The following SLC4A2 variants were observed in gnomAD, a reference collection of about 807,000 sequenced individuals.
SLC4A2 encodes solute carrier family 4 member 2.
A neutral mutation model predicts 115.0 loss-of-function variants in SLC4A2; 36 were observed. The observed-to-expected ratio is 0.31, with a 90% confidence interval of 0.24 to 0.41. The LOEUF (loss-of-function observed/expected upper bound fraction) is 0.41. Ranked by LOEUF, SLC4A2 falls within the 10% of genes least tolerant of loss-of-function variation. The pLI, the probability that SLC4A2 is intolerant of heterozygous loss-of-function variation, is 1.00. For synonymous variants in SLC4A2, 708 were observed against 708.3 expected (o/e 1.00, Z 0.01); for missense variants, 1,252 against 1,705.6 (o/e 0.73, Z 4.68).
Position 151,066,837 on chromosome 7 carries a change from C to A in SLC4A2, c.824-14C>A. ...AGAAAGGGGGAGCCCAACCTTGGTC[C>A]TCTGCCCCCACAGGTCACCGGTTTG... On this transcript the variant is annotated splice_polypyrimidine_tract_variant and intron_variant, in intron 6 of 22. Transcript: ENST00000413384. The A allele has an allele frequency of 6.2e-7, 1 of 1,608,060 alleles. No homozygotes were observed. Among genetic ancestry groups the A allele is most frequent in the Non-Finnish European group, 8.5e-7 (1 of 1,177,170 alleles).
chr7:151,061,936 G>GCCTC lies in SLC4A2; in HGVS notation c.-51_-48dup. 6.4e-7 allele frequency: 1 copy of GCCTC among 1,569,304 alleles called. No individual in the cohort carries two copies. Among genetic ancestry groups the GCCTC allele is most frequent in the South Asian group, 1.1e-5 (1 of 88,394 alleles). ...TCTCCCCCATCCAGGTTATGCCTCC[G>GCCTC]CCTCGTTGCCCTGAAAGCCGCAGCG... On this transcript the variant is annotated 5_prime_UTR_variant, in exon 2 of 23. It introduces an in-frame stop codon into an upstream open reading frame of the 5' UTR. Transcript: ENST00000413384.
Position 151,061,944 on chromosome 7 carries a change from GC to G in SLC4A2, c.-41del. 6.3e-7 allele frequency: 1 copy of G among 1,594,406 alleles called. No homozygotes were observed. ...ATCCAGGTTATGCCTCCGCCTCGTT[GC>G]CCTGAAAGCCGCAGCGACAGCGAAA... On this transcript the variant is annotated 5_prime_UTR_variant, in exon 2 of 23. The change abolishes the stop of an existing upstream ORF in the 5' untranslated region. Transcript: ENST00000413384.
chr7:151,074,680 G>C lies in SLC4A2; in HGVS notation c.2886G>C (p.Leu962=). 5.6e-6 allele frequency: 9 copies of C among 1,597,684 alleles called. No individual in the cohort carries two copies. Among genetic ancestry groups the C allele is most frequent in the Non-Finnish European group, 7.7e-6 (9 of 1,172,638 alleles). ...YSIEDTYTQK[L]SVPSGFSVTA... Reference sequence around the variant, plus strand: ...ACACTGTGTCTGCCCTGCAGAAGCTGAGCGTTCCCAGTGGATTCTCGGTGA... The same window carrying C: ...ACACTGTGTCTGCCCTGCAGAAGCTCAGCGTTCCCAGTGGATTCTCGGTGA... The change falls in exon 19 of 23, where the codon CTG becomes CTC. Residue 962 remains leucine, a synonymous_variant. Transcript: ENST00000413384.
rs771690338 is a variant in SLC4A2 at position 151,060,934 on chromosome 7, C to T, written c.-63-991C>T. Among the ~76,000 whole-genome samples the T allele has an allele frequency of 4.6e-5, 7 of 152,110 alleles. No individual in the cohort carries two copies. The highest frequency in any genetic ancestry group is 1.0e-4 in the Non-Finnish European group (7 of 68,006). ...ACTGGGAGCATGGGTTGTTGGGTAC[C>T]GTCACTTTTTGCCAGTCTTGGGTGC... On this transcript the variant is annotated intron_variant, in intron 1 of 22. Transcript: ENST00000413384. This position sits in a 1 kb window ranked among gnomAD's most constrained non-coding sequence, Gnocchi z 5.9.
Position 151,069,970 on chromosome 7 carries a change from C to A in SLC4A2, c.1171C>A (p.Gln391Lys). The A allele has an allele frequency of 6.2e-7, 1 of 1,614,032 alleles. No homozygotes were observed. The highest frequency in any genetic ancestry group is 8.5e-7 in the Non-Finnish European group (1 of 1,180,028). Reference sequence around the variant, plus strand: ...AGGGGCTGTGCTCTTGGATCTGGACCAGCAGACCCTGCCCGGAGTGGCCCA... The same window carrying A: ...AGGGGCTGTGCTCTTGGATCTGGACAAGCAGACCCTGCCCGGAGTGGCCCA... ...AHGAVLLDLD[Q>K]QTLPGVAHQV... is the part of the protein sequence containing the mutation. The change falls in exon 9 of 23, where the codon CAG becomes AAG. Residue 391 changes from glutamine to lysine, a missense_variant. Coordinates refer to ENST00000413384, the MANE Select transcript of SLC4A2 (RefSeq NM_003040.4).
intron 8 of SLC4A2, among the ~76,000 whole-genome samples, chr7:151,069,220 G>T (rs191774626): frequency 2.1e-5 from 3 of 144,786 alleles, no homozygotes; most frequent in Non-Finnish European, 4.5e-5. Context: ...TCCATAGGCC[G>T]TGAGTGAGGC....
At position 151,071,720 on chromosome 7, in the gene SLC4A2, G is replaced by A. The variant is rs745387922; in HGVS notation, c.2223G>A (p.Ser741=). 12 of 1,610,754 alleles carry A rather than the reference G, an allele frequency of 7.4e-6. No homozygotes were observed. Among genetic ancestry groups the A allele is most frequent in the Admixed American group, 5.0e-5 (3 of 59,698 alleles). The part of the protein sequence containing the change: ...GEKTQDLIGV[S]ELIMSTALQG... ...AGACGCAGGACCTGATAGGGGTGTCGGAGCTGATTATGTCCACAGCGCTCC... is the reference window on the plus strand; with the variant it reads ...AGACGCAGGACCTGATAGGGGTGTCAGAGCTGATTATGTCCACAGCGCTCC... The change falls in exon 15 of 23, where the codon TCG becomes TCA. Residue 741 remains serine, a synonymous_variant. Transcript: ENST00000413384. This position sits in a 1 kb window ranked among gnomAD's most constrained non-coding sequence, Gnocchi z 5.5.
In SLC4A2 at chr7:151,066,402, G is replaced by T. The variant is rs966236980; in HGVS notation, c.579-115G>T. On this transcript the variant is annotated intron_variant, in intron 5 of 22. Transcript: ENST00000413384. The stretch of plus-strand genomic sequence containing the variant: ...GTGCCCGCACCTCCCGGGAGTGGGA[G>T]CTAGGAGGGCCTGGAGTCCGATGTG... 8 of 1,271,546 alleles carry T rather than the reference G, an allele frequency of 6.3e-6. No homozygotes were observed. The African/African-American group carries it at 1.0e-4, about 17-fold the overall frequency. The allele number at this position is 1,271,546 out of a possible 1,614,324, so 78.8% of individuals were successfully genotyped here. A position where few individuals can be genotyped will look rare whatever the true frequency, so the allele number is the denominator to read the frequency against.
chr7:151,067,344 C>T (rs915037205), intron 7 of SLC4A2, among the ~76,000 whole-genome samples: 3 of 152,186 alleles, frequency 2.0e-5, no homozygotes, highest in African/African-American at 7.2e-5. Context: ...CCTCGGCCTC[C>T]CAAAGTGCTA....
At chr7:151,064,106 G>A (rs890422606) in intron 2 of SLC4A2, 96 bp from the exon 3 acceptor site, 15 of 1,281,338 alleles carry the variant, frequency 1.2e-5, no homozygotes, top group Non-Finnish European at 1.5e-5. Context: ...GCTGGCGGGG[G>A]AGGGTTCCTG....
intron 16 of SLC4A2, 43 bp from the exon 17 acceptor site, chr7:151,073,996 C>T (rs1473821106): frequency 6.6e-7 from 1 of 1,520,552 alleles, no homozygotes; most frequent in African/African-American, 1.4e-5. Context: ...GGAATCTTTT[C>T]TGCAGTCCAG....
rs763017413 is a variant in SLC4A2 at position 151,075,247 on chromosome 7, G to T, written c.3048-8G>T. On this transcript the variant is annotated splice_polypyrimidine_tract_variant and splice_region_variant and intron_variant, in intron 19 of 22. Coordinates refer to ENST00000413384, the MANE Select transcript of SLC4A2 (RefSeq NM_003040.4). ...CCTGGGCCTCAGCAGCACCCCTCCC[G>T]CTCTCAGGCTCATCATCTCCAAGAA... 6.2e-7 allele frequency: 1 copy of T among 1,612,036 alleles called. No individual in the cohort carries two copies. Among genetic ancestry groups the T allele is most frequent in the Non-Finnish European group, 8.5e-7 (1 of 1,179,924 alleles).
Position 151,076,121 on chromosome 7 carries a change from A to T in SLC4A2, c.3580A>T (p.Ile1194Phe). The change falls in exon 22 of 23, where the codon ATC becomes TTC. Residue 1194 changes from isoleucine (I) to phenylalanine (F), a missense_variant. Transcript: ENST00000413384. ...AASLAFPFILILTVPLRMVVL... is the reference protein window; with the variant it reads ...AASLAFPFILFLTVPLRMVVL... ...CTCCCTGGCCTTCCCCTTCATCCTC[A>T]TCCTCACAGTGCCGCTCCGCATGGT... is the stretch of plus-strand genomic sequence containing the variant. 1 of 1,610,010 alleles carries T rather than the reference A, an allele frequency of 6.2e-7. No homozygotes were observed. Among genetic ancestry groups the T allele is most frequent in the South Asian group, 1.1e-5 (1 of 91,024 alleles).
Position 151,064,541 on chromosome 7 carries a change from C to T in SLC4A2, c.233C>T (p.Ser78Phe). ...CTCCCTGCAGACCACCGCCAGTCCT[C>T]CCACCACATCCATCACCCACTGTCC... is the stretch of plus-strand genomic sequence containing the variant. ...EEDFEYHRQS[S>F]HHIHHPLSTH... The change falls in exon 4 of 23, where the codon TCC becomes TTC. Residue 78 changes from serine to phenylalanine, a missense_variant. Ser to Phe is a radical substitution (Grantham distance 155, BLOSUM62 -2). Coordinates refer to ENST00000413384, the MANE Select transcript of SLC4A2 (RefSeq NM_003040.4). 6.2e-7 allele frequency: 1 copy of T among 1,611,164 alleles called. No homozygotes were observed. Among genetic ancestry groups the T allele is most frequent in the Non-Finnish European group, 8.5e-7 (1 of 1,179,376 alleles).
intron 1 of SLC4A2, among the ~76,000 whole-genome samples, chr7:151,061,016 C>T (rs542579226): frequency 6.6e-6 from 1 of 152,220 alleles, no homozygotes; most frequent in East Asian, 1.9e-4. Flanking sequence ...GGGCTCCCTC[C>T]TGCAGCTCCT....
rs35859353 is a variant in SLC4A2, at chr7:151,070,097, G to A, written c.1283+15G>A. 0.046 allele frequency: 74,524 copies of A among 1,613,818 alleles called. 1,985 individuals carry two copies. The highest frequency in any genetic ancestry group is 0.1 in the African/African-American group (7,874 of 75,028). Reference sequence around the variant, plus strand: ...TTGAAACACAGGTGAGGCCCTGTGGGCCAGTTGGGGATGACACTTCAGCCC... The same window carrying A: ...TTGAAACACAGGTGAGGCCCTGTGGACCAGTTGGGGATGACACTTCAGCCC... On this transcript the variant is annotated intron_variant, in intron 9 of 22. Transcript: ENST00000413384.
rs1254933065 is a variant in SLC4A2, at chr7:151,075,619, T to C, written c.3315T>C (p.Val1105=). ...LVALLVGLSI[V]IGDLLRQIPL... ...CGCCTCCCGTAGGCCTCTCCATAGT[T>C]ATCGGGGATCTGCTCCGGCAGATCC... Residue 1105 remains valine, a synonymous_variant, in exon 21 of 23, where the codon GTT becomes GTC. Coordinates refer to ENST00000413384, the MANE Select transcript of SLC4A2 (RefSeq NM_003040.4). The C allele has an allele frequency of 1.9e-6, 3 of 1,594,212 alleles. No homozygotes were observed. The highest frequency in any genetic ancestry group is 1.7e-5 in the Admixed American group (1 of 58,582).
At chr7:151,067,097 T>G (rs1797262515) in intron 7 of SLC4A2, 104 bp downstream of exon 7, 1 of 1,232,558 alleles carries the variant, frequency 8.1e-7, no homozygotes, top group African/African-American at 1.5e-5. Context: ...CACTGTTGTT[T>G]TGTTGTTGTT....
chr7:151,068,984 A>C (rs1421748429), intron 8 of SLC4A2, among the ~76,000 whole-genome samples: 1 of 151,646 alleles, frequency 6.6e-6, no homozygotes, highest in Non-Finnish European at 1.5e-5. Context: ...CTAAAAATAC[A>C]AAAAATTAGC....
Sources: allele counts gnomAD v4.1 joint callset (sites outside exome capture counted in the v4.1 genomes callset), GRCh38; gene constraint gnomAD v4.1.1; non-coding constraint Gnocchi (gnomAD v3.1); transcripts MANE v1.5; gene names NCBI Gene and HGNC (gene_info 2026-07-23, HGNC 2026-07-21).